Variants in UBR7 observed in about 807,000 individuals in gnomAD.
The protein encoded by UBR7 is putative E3 ubiquitin-protein ligase UBR7.
A neutral mutation model predicts 57.0 loss-of-function variants in UBR7; 22 were observed. That is an observed-to-expected ratio of 0.39 (90% CI 0.28 to 0.55). UBR7 has a LOEUF of 0.55. Among genes scored for constraint, UBR7 ranks in the 20% least tolerant of loss-of-function variants. UBR7 has a pLI of 0.69. For synonymous variants in UBR7, 167 were observed against 179.8 expected (o/e 0.93, Z 0.57); for missense variants, 395 against 513.2 (o/e 0.77, Z 2.23).
chr14:93,218,421 A>T (rs57402998), intron 6 of UBR7, 106 bp from the exon 7 acceptor site: 200,264 of 1,028,576 alleles, frequency 0.19, 19,848 homozygotes, highest in Middle Eastern at 0.23. Flanking sequence ...TAAAAAAAAA[A>T]AATAATAATA....
chr14:93,209,752 C>G, intron 1 of UBR7, 72 bp from the exon 2 acceptor site: 1 of 1,536,208 alleles, frequency 6.5e-7, no homozygotes, highest in Admixed American at 1.9e-5. Context: ...AATTATTTTT[C>G]AGTTCCTAGT....
rs1377066748 is a variant in UBR7 at position 93,228,731 on chromosome 14, G to A, written c.*1696G>A. Reference sequence around the variant, plus strand: ...ACTCTTCCAAGTCTGACAATGTTTCGAACCCTTTTTGCAAGGTTGCACTAT... The same window carrying A: ...ACTCTTCCAAGTCTGACAATGTTTCAAACCCTTTTTGCAAGGTTGCACTAT... On this transcript the variant is annotated 3_prime_UTR_variant, in exon 11 of 11. Transcript: ENST00000013070. 4 of 454,040 alleles carry A rather than the reference G, an allele frequency of 8.8e-6. No individual in the cohort carries two copies. The highest frequency in any genetic ancestry group is 1.4e-4 in the East Asian group (2 of 14,394). 28.1% of individuals were successfully genotyped at this position (454,040 alleles called of 1,614,324 possible). A position where few individuals can be genotyped will look rare whatever the true frequency, so the allele number is the denominator to read the frequency against.
rs1236322874 is a variant in UBR7 at position 93,228,445 on chromosome 14, C to G, written c.*1410C>G. ...ATGTATATTAATACTCCTTATGTGT[C>G]CAGCATCTGTGTATTCATTCGAGTG... On this transcript the variant is annotated 3_prime_UTR_variant, in exon 11 of 11. Coordinates refer to ENST00000013070, the MANE Select transcript of UBR7 (RefSeq NM_175748.4). 2.2e-6 allele frequency: 1 copy of G among 454,132 alleles called. No individual in the cohort carries two copies. The highest frequency in any genetic ancestry group is 4.4e-6 in the Non-Finnish European group (1 of 226,800). 28.1% of individuals were successfully genotyped at this position (454,132 alleles called of 1,614,324 possible). A position where few individuals can be genotyped will look rare whatever the true frequency, so the allele number is the denominator to read the frequency against.
At position 93,228,163 on chromosome 14, in the gene UBR7, C is replaced by T. The variant is rs117127152; in HGVS notation, c.*1128C>T. Reference sequence around the variant, plus strand: ...TTGTGTATATAATGTTAATGTCCACCGCCACTTCCCTAACGACTATGAGAT... The same window carrying T: ...TTGTGTATATAATGTTAATGTCCACTGCCACTTCCCTAACGACTATGAGAT... On this transcript the variant is annotated 3_prime_UTR_variant, in exon 11 of 11. Transcript: ENST00000013070. 1,435 of 591,068 alleles carry T rather than the reference C, an allele frequency of 2.4e-3. 16 individuals carry two copies. Among genetic ancestry groups the T allele is most frequent in the East Asian group, 0.023 (633 of 27,454 alleles). 36.6% of individuals were successfully genotyped at this position (591,068 alleles called of 1,614,324 possible).
At chr14:93,224,855 C>G (rs1049347039) in intron 10 of UBR7, among the ~76,000 whole-genome samples, 7 of 152,208 alleles carry the variant, frequency 4.6e-5, no homozygotes, top group Admixed American at 4.6e-4. Context: ...TGAGGTGTTT[C>G]AAATAGTGTG....
intron 10 of UBR7, chr14:93,223,650 G>A: frequency 2.2e-6 from 3 of 1,385,296 alleles, no homozygotes; most frequent in East Asian, 4.7e-5. Context: ...GGGCTGACGG[G>A]CAGGACCCGG....
At chr14:93,210,917 T>C (rs1894469211) in intron 3 of UBR7, among the ~76,000 whole-genome samples, 1 of 152,270 alleles carries the variant, frequency 6.6e-6, no homozygotes, top group African/African-American at 2.4e-5. Flanking sequence ...TATGAAAGGT[T>C]TGGGGGAGAG....
intron 10 of UBR7, among the ~76,000 whole-genome samples, chr14:93,225,103 C>T (rs1035337094): frequency 6.6e-6 from 1 of 151,968 alleles, no homozygotes; most frequent in Non-Finnish European, 1.5e-5. Context: ...TTTATCTGAC[C>T]AGATAATTTA....
rs1243019461 is a variant in UBR7 at position 93,227,238 on chromosome 14, C to T, written c.*203C>T. ...AGCGTCCTCTGTGACTCAGCTGATG[C>T]AGCTCATTCCACAGACTTCTCCAGT... On this transcript the variant is annotated 3_prime_UTR_variant, in exon 11 of 11. Transcript: ENST00000013070. 1 of 630,646 alleles carries T rather than the reference C, an allele frequency of 1.6e-6. No homozygotes were observed. The highest frequency in any genetic ancestry group is 2.9e-6 in the Non-Finnish European group (1 of 341,412). The allele number at this position is 630,646 out of a possible 1,614,324, so 39.1% of individuals were successfully genotyped here. A position where few individuals can be genotyped will look rare whatever the true frequency, so the allele number is the denominator to read the frequency against.
At chr14:93,225,539 C>T (rs1346502386) in intron 10 of UBR7, among the ~76,000 whole-genome samples, 1 of 151,544 alleles carries the variant, frequency 6.6e-6, no homozygotes, top group East Asian at 1.9e-4. Context: ...AGGCTGAGAT[C>T]GGAGGATCGC....
At chr14:93,222,704 C>T (rs571985990) in intron 10 of UBR7, among the ~76,000 whole-genome samples, 2 of 151,926 alleles carry the variant, frequency 1.3e-5, no homozygotes, top group East Asian at 3.9e-4. Flanking sequence ...GAACACGCCA[C>T]TGCACCCCAG....
chr14:93,218,252 A>T lies in UBR7; in HGVS notation c.602-275A>T, dbSNP rs552761526. The stretch of plus-strand genomic sequence containing the variant: ...TGGCGAAACCCCGTCTCTACTAAAA[A>T]TACAAAAAATTAGCCAGTCATGGTG... On this transcript the variant is annotated intron_variant, in intron 6 of 10. Coordinates refer to ENST00000013070, the MANE Select transcript of UBR7 (RefSeq NM_175748.4). Among the ~76,000 whole-genome samples the T allele has an allele frequency of 2.3e-4, 35 of 152,110 alleles. 1 individual carries two copies. Among genetic ancestry groups the T allele is most frequent in the Admixed American group, 1.8e-3 (28 of 15,258 alleles).
chr14:93,227,148 G>A lies in UBR7; in HGVS notation c.*113G>A. ...CTTTCCGTCCTCCTCTGTTTGGAGA[G>A]GCCTCGCGCTCCCTTCATTCTCTTT... On this transcript the variant is annotated 3_prime_UTR_variant, in exon 11 of 11. Transcript: ENST00000013070. 1.3e-6 allele frequency: 1 copy of A among 767,290 alleles called. No homozygotes were observed. The highest frequency in any genetic ancestry group is 2.2e-6 in the Non-Finnish European group (1 of 454,762). 47.5% of individuals were successfully genotyped at this position (767,290 alleles called of 1,614,324 possible). A position where few individuals can be genotyped will look rare whatever the true frequency, so the allele number is the denominator to read the frequency against.
chr14:93,224,274 T>C, intron 10 of UBR7: 1 of 382,186 alleles, frequency 2.6e-6, no homozygotes, highest in South Asian at 4.7e-5. Context: ...TTCTGCAAAA[T>C]GAATTGTAAA....
intron 6 of UBR7, among the ~76,000 whole-genome samples, chr14:93,216,131 C>T (rs1328065126): frequency 1.3e-5 from 2 of 152,190 alleles, no homozygotes; most frequent in African/African-American, 2.4e-5. Flanking sequence ...GCTTGGGCCT[C>T]TTTTATAAGT....
At chr14:93,218,421 AAAT>A (rs1183836769) in intron 6 of UBR7, 103 bp from the exon 7 acceptor site, 6 of 1,029,910 alleles carry the variant, frequency 5.8e-6, no homozygotes, top group Admixed American at 4.6e-5. Context: ...TAAAAAAAAA[AAAT>A]AATAATAATA....
rs1262530926 is a variant in UBR7, at chr14:93,228,751, C to T, written c.*1716C>T. The T allele has an allele frequency of 2.2e-6, 1 of 453,996 alleles. No homozygotes were observed. The allele number at this position is 453,996 out of a possible 1,614,324, so 28.1% of individuals were successfully genotyped here. A position where few individuals can be genotyped will look rare whatever the true frequency, so the allele number is the denominator to read the frequency against. On this transcript the variant is annotated 3_prime_UTR_variant, in exon 11 of 11. Coordinates refer to ENST00000013070, the MANE Select transcript of UBR7 (RefSeq NM_175748.4). ...GTTTCGAACCCTTTTTGCAAGGTTG[C>T]ACTATTAGTATACCATCATGTCCGG...
At chr14:93,222,914 A>G (rs1270416543) in intron 10 of UBR7, among the ~76,000 whole-genome samples, 4 of 152,196 alleles carry the variant, frequency 2.6e-5, no homozygotes, top group Admixed American at 2.6e-4. Context: ...GGGAGGGCGC[A>G]GTCCCACAGC....
Position 93,228,431 on chromosome 14 carries a change from T to C in UBR7, c.*1396T>C, listed in dbSNP as rs1566826593. The C allele has an allele frequency of 2.2e-6, 1 of 454,216 alleles. No individual in the cohort carries two copies. Among genetic ancestry groups the C allele is most frequent in the Admixed American group, 2.3e-5 (1 of 42,572 alleles). The allele number at this position is 454,216 out of a possible 1,614,324, so 28.1% of individuals were successfully genotyped here. A position where few individuals can be genotyped will look rare whatever the true frequency, so the allele number is the denominator to read the frequency against. ...GCTGTGGGGCCACCATGTATATTAA[T>C]ACTCCTTATGTGTCCAGCATCTGTG... On this transcript the variant is annotated 3_prime_UTR_variant, in exon 11 of 11. Coordinates refer to ENST00000013070, the MANE Select transcript of UBR7 (RefSeq NM_175748.4).
Sources: allele counts gnomAD v4.1 joint callset (sites outside exome capture counted in the v4.1 genomes callset), GRCh38; gene constraint gnomAD v4.1.1; transcripts MANE v1.5; gene names NCBI Gene and HGNC (gene_info 2026-07-23, HGNC 2026-07-21).